The following KCNMA1 variants were observed in gnomAD, a reference collection of about 807,000 sequenced individuals.
The protein encoded by KCNMA1 is potassium calcium-activated channel subfamily M alpha 1, also known as Calcium-activated potassium channel subunit alpha-1.
In KCNMA1, 29 loss-of-function variants were observed where a neutral mutation model predicts 140.0. The ratio of observed to expected loss-of-function variants is 0.21; its 90% CI spans 0.15 to 0.28. The LOEUF (loss-of-function observed/expected upper bound fraction) is 0.28. Ranked by LOEUF, KCNMA1 falls within the 10% of genes least tolerant of loss-of-function variation. The pLI is 1.00. For synonymous variants in KCNMA1, 612 were observed against 611.9 expected (o/e 1.00, Z 0.00); for missense variants, 880 against 1,602.2 (o/e 0.55, Z 7.70).
chr10:77,171,087 T>C (rs538742343), intron 5 of KCNMA1, among the ~76,000 whole-genome samples: 1 of 152,280 alleles, frequency 6.6e-6, no homozygotes, highest in East Asian at 1.9e-4. Flanking sequence ...AAGTTCAGCC[T>C]CACCGTGGGC....
At chr10:77,233,494 A>C (rs1240176407) in intron 3 of KCNMA1, among the ~76,000 whole-genome samples, 1 of 152,256 alleles carries the variant, frequency 6.6e-6, no homozygotes, top group African/African-American at 2.4e-5. Context: ...CCAAAGGCCC[A>C]TGGGACATGA....
intron 2 of KCNMA1, among the ~76,000 whole-genome samples, chr10:77,271,961 C>A (rs2065271012): frequency 6.6e-6 from 1 of 152,190 alleles, no homozygotes; most frequent in East Asian, 1.9e-4. Flanking sequence ...CAGGTTATTT[C>A]TCCTTATTCA....
At chr10:77,007,516 T>C (rs2089257242) in intron 18 of KCNMA1, among the ~76,000 whole-genome samples, 1 of 151,976 alleles carries the variant, frequency 6.6e-6, no homozygotes, top group South Asian at 2.1e-4. Flanking sequence ...TAGCAAGCAC[T>C]TCTCATACAG....
chr10:77,014,379 T>C (rs1234886102), intron 17 of KCNMA1, among the ~76,000 whole-genome samples: 1 of 151,536 alleles, frequency 6.6e-6, no homozygotes, highest in African/African-American at 2.4e-5. Context: ...TGAGCCGAGA[T>C]TGTGCCACTG....
At chr10:77,001,373 A>C in intron 19 of KCNMA1, 34 bp downstream of exon 19, 2 of 1,540,842 alleles carry the variant, frequency 1.3e-6, no homozygotes, top group Non-Finnish European at 1.8e-6. Flanking sequence ...AGACAGCACA[A>C]ACATGGAACT....
At chr10:76,972,363 T>C (rs1366105214) in intron 19 of KCNMA1, among the ~76,000 whole-genome samples, 1 of 152,218 alleles carries the variant, frequency 6.6e-6, no homozygotes, top group Non-Finnish European at 1.5e-5. Flanking sequence ...ACAATGAATC[T>C]AGATGAGTTA....
intron 14 of KCNMA1, among the ~76,000 whole-genome samples, chr10:77,057,201 A>G (rs577435251): frequency 2.6e-5 from 4 of 152,314 alleles, no homozygotes; most frequent in South Asian, 4.1e-4. Flanking sequence ...CTCATTACTT[A>G]TAGGTAACCA....
At chr10:77,436,835 C>T (rs1339654838) in intron 1 of KCNMA1, among the ~76,000 whole-genome samples, 1 of 152,006 alleles carries the variant, frequency 6.6e-6, no homozygotes, top group African/African-American at 2.4e-5. Context: ...TAAAGATGAC[C>T]ATATGGAGCT....
intron 2 of KCNMA1, among the ~76,000 whole-genome samples, chr10:77,274,904 A>G (rs7898958): frequency 0.22 from 33,323 of 152,134 alleles, 4,043 homozygotes; most frequent in East Asian, 0.49. Flanking sequence ...GAAACTGAGA[A>G]GGGAAGTGAT....
intron 1 of KCNMA1, among the ~76,000 whole-genome samples, chr10:77,439,062 C>G (rs141573740): frequency 1.4e-5 from 2 of 138,960 alleles, no homozygotes; most frequent in Non-Finnish European, 3.1e-5. Flanking sequence ...CAGAGCGAGA[C>G]TCTCTCAAAA....
At chr10:77,212,726 C>T (rs983534929) in intron 3 of KCNMA1, among the ~76,000 whole-genome samples, 4 of 152,148 alleles carry the variant, frequency 2.6e-5, no homozygotes, top group Non-Finnish European at 5.9e-5. Flanking sequence ...CCCTCTTCCT[C>T]ATTAAGCTGT....
chr10:77,626,214 TG>T (rs901308352), intron 1 of KCNMA1, among the ~76,000 whole-genome samples: 5 of 151,874 alleles, frequency 3.3e-5, no homozygotes, highest in African/African-American at 9.7e-5. Context: ...AAGAAATGAT[TG>T]GGTTTTTTTT....
In KCNMA1 at chr10:77,098,563, T is replaced by C. The variant is rs140977261; in HGVS notation, c.1224-8053A>G. On this transcript the variant is annotated intron_variant, in intron 9 of 27. Coordinates refer to ENST00000286628, the MANE Select transcript of KCNMA1 (RefSeq NM_001161352.2). Reference sequence around the variant, plus strand: ...CAGTTTTTCATTGGAATCTCTAAGGTACCCTAACCTTTAAAAAAAAAAAAC... The same window carrying C: ...CAGTTTTTCATTGGAATCTCTAAGGCACCCTAACCTTTAAAAAAAAAAAAC... Among the ~76,000 whole-genome samples, 9 of 149,112 alleles carry C rather than the reference T, an allele frequency of 6.0e-5. No individual in the cohort carries two copies. In the East Asian group the frequency reaches 1.8e-3, roughly 30 times the overall value.
chr10:77,087,821 C>T (rs2096728104), intron 10 of KCNMA1, among the ~76,000 whole-genome samples: 1 of 152,032 alleles, frequency 6.6e-6, no homozygotes, highest in African/African-American at 2.4e-5. Context: ...CGTGATAAGT[C>T]AACACTTGCC....
intron 1 of KCNMA1, among the ~76,000 whole-genome samples, chr10:77,459,007 G>A (rs1603624769): frequency 6.6e-6 from 1 of 152,308 alleles, no homozygotes; most frequent in African/African-American, 2.4e-5. Context: ...TGTCATCTGA[G>A]GGGTAGAATC....
intron 1 of KCNMA1, among the ~76,000 whole-genome samples, chr10:77,541,081 G>A (rs2060078117): frequency 1.3e-5 from 2 of 150,752 alleles, no homozygotes; most frequent in Admixed American, 1.3e-4. Context: ...AAAAAAAGAA[G>A]AAATATGGAA....
At chr10:77,241,694 T>A (rs1287504772) in intron 3 of KCNMA1, among the ~76,000 whole-genome samples, 1 of 151,872 alleles carries the variant, frequency 6.6e-6, no homozygotes, top group East Asian at 1.9e-4. Context: ...ATTCCTGTAA[T>A]CCCAACTACT....
chr10:77,543,819 G>C (rs2060758236), intron 1 of KCNMA1, among the ~76,000 whole-genome samples: 1 of 152,110 alleles, frequency 6.6e-6, no homozygotes, highest in African/African-American at 2.4e-5. Context: ...AATAAGAAAG[G>C]GGGTAGGAGG....
intron 1 of KCNMA1, among the ~76,000 whole-genome samples, chr10:77,480,411 C>T (rs2098368417): frequency 6.6e-6 from 1 of 152,210 alleles, no homozygotes; most frequent in Non-Finnish European, 1.5e-5. Context: ...GTGATGGACC[C>T]CAGTTATCTC....
Sources: allele counts gnomAD v4.1 joint callset (sites outside exome capture counted in the v4.1 genomes callset), GRCh38; gene constraint gnomAD v4.1.1; transcripts MANE v1.5; gene names NCBI Gene and HGNC (gene_info 2026-07-23, HGNC 2026-07-21).